AIG1: variants seen among roughly 807,000 people sequenced by gnomAD.
The protein encoded by AIG1 is androgen induced 1.
A neutral mutation model predicts 31.4 loss-of-function variants in AIG1; 23 were observed. The ratio of observed to expected loss-of-function variants is 0.73; its 90% CI spans 0.53 to 1.04. The LOEUF (loss-of-function observed/expected upper bound fraction) is 1.04. Among genes scored for constraint, AIG1 ranks in the 50% least tolerant of loss-of-function variants. The pLI, the probability that AIG1 is intolerant of heterozygous loss-of-function variation, is 0.00. For synonymous variants in AIG1, 100 were observed against 110.5 expected (o/e 0.90, Z 0.60); for missense variants, 274 against 295.0 (o/e 0.93, Z 0.52).
chr6:143,323,159 G>A (rs566569459), intron 4 of AIG1, among the ~76,000 whole-genome samples: 11 of 152,296 alleles, frequency 7.2e-5, no homozygotes, highest in South Asian at 2.1e-4. Flanking sequence ...CCAGTTAATC[G>A]TTGATCTCAT....
At chr6:143,305,647 A>G (rs1168321150) in intron 4 of AIG1, among the ~76,000 whole-genome samples, 1 of 152,120 alleles carries the variant, frequency 6.6e-6, no homozygotes, top group Non-Finnish European at 1.5e-5. Flanking sequence ...ACTTCCAACT[A>G]TGTGGTCAAT....
chr6:143,097,087 C>T (rs1779861718), intron 1 of AIG1, among the ~76,000 whole-genome samples: 1 of 151,884 alleles, frequency 6.6e-6, no homozygotes. Flanking sequence ...CCATTAGTGA[C>T]CTTAGGCACA....
In AIG1 at chr6:143,256,619, T is replaced by C. The variant is rs1357021197; in HGVS notation, c.400-27491T>C. Among the ~76,000 whole-genome samples, 1 of 152,182 alleles carries C rather than the reference T, an allele frequency of 6.6e-6. No individual in the cohort carries two copies. The highest frequency in any genetic ancestry group is 6.5e-5 in the Admixed American group (1 of 15,274). ...AAAAATGGAACCGTTACAGCTGAAA[T>C]AGGGTGGGAAAGGATCTTACTGAAA... On this transcript the variant is annotated intron_variant, in intron 3 of 5. Transcript: ENST00000357847. The surrounding 1 kb of genome is among the most constrained non-coding windows in gnomAD (Gnocchi z 4.6).
intron 3 of AIG1, among the ~76,000 whole-genome samples, chr6:143,166,654 C>T (rs980921964): frequency 6.6e-6 from 1 of 152,204 alleles, no homozygotes; most frequent in Non-Finnish European, 1.5e-5. Context: ...AGGATCAATA[C>T]ATATTTATTA....
At chr6:143,197,770 T>C (rs1583483186) in intron 3 of AIG1, among the ~76,000 whole-genome samples, 2 of 152,202 alleles carry the variant, frequency 1.3e-5, no homozygotes, top group African/African-American at 4.8e-5. Flanking sequence ...ACATCTGTTG[T>C]TAGAGAAAGG....
At chr6:143,186,430 G>T (rs1221497744) in intron 3 of AIG1, among the ~76,000 whole-genome samples, 1 of 152,124 alleles carries the variant, frequency 6.6e-6, no homozygotes, top group African/African-American at 2.4e-5. Flanking sequence ...GCCCAGATTG[G>T]TGGAAACGTT....
chr6:143,107,260 A>G (rs1472141993), intron 1 of AIG1, among the ~76,000 whole-genome samples: 2 of 152,234 alleles, frequency 1.3e-5, no homozygotes, highest in African/African-American at 4.8e-5. Context: ...TCTTGAGAAG[A>G]AAAGAAATTA....
intron 1 of AIG1, among the ~76,000 whole-genome samples, chr6:143,129,040 C>T (rs1417365684): frequency 6.6e-6 from 1 of 152,116 alleles, no homozygotes; most frequent in Non-Finnish European, 1.5e-5. Flanking sequence ...GCCTGTAATC[C>T]CAGCATTTTG....
At chr6:143,184,044 C>G (rs1788992923) in intron 3 of AIG1, among the ~76,000 whole-genome samples, 1 of 152,228 alleles carries the variant, frequency 6.6e-6, no homozygotes, top group Non-Finnish European at 1.5e-5. Flanking sequence ...TATCATAGAA[C>G]CACAGAATCC....
chr6:143,131,278 A>G (rs998536190), intron 1 of AIG1, among the ~76,000 whole-genome samples: 3 of 152,062 alleles, frequency 2.0e-5, no homozygotes, highest in Admixed American at 6.6e-5. Flanking sequence ...TATTGCTAAT[A>G]TTTCATTTTA....
intron 3 of AIG1, among the ~76,000 whole-genome samples, chr6:143,253,785 C>A (rs1795175981): frequency 2.6e-5 from 4 of 152,128 alleles, no homozygotes; most frequent in Admixed American, 2.6e-4. Flanking sequence ...CAGAAACTTC[C>A]ACTCCAACAA....
In AIG1 at chr6:143,333,209, T is replaced by A; in HGVS notation, c.516-73T>A. 7.0e-7 allele frequency: 1 copy of A among 1,419,470 alleles called. No homozygotes were observed. The highest frequency in any genetic ancestry group is 9.4e-7 in the Non-Finnish European group (1 of 1,063,504). 87.9% of individuals were successfully genotyped at this position (1,419,470 alleles called of 1,614,324 possible). A position where few individuals can be genotyped will look rare whatever the true frequency, so the allele number is the denominator to read the frequency against. Reference sequence around the variant, plus strand: ...ATGGGGAGAGTGAGGGAGTGTATATTTGCATCATAGCAGCTTTGATGCCTG... The same window carrying A: ...ATGGGGAGAGTGAGGGAGTGTATATATGCATCATAGCAGCTTTGATGCCTG... On this transcript the variant is annotated intron_variant, in intron 4 of 5. Transcript: ENST00000357847. The surrounding 1 kb of genome is among the most constrained non-coding windows in gnomAD (Gnocchi z 4.6).
At chr6:143,254,507 G>A (rs933679549) in intron 3 of AIG1, among the ~76,000 whole-genome samples, 3 of 152,068 alleles carry the variant, frequency 2.0e-5, no homozygotes, top group Admixed American at 6.6e-5. Flanking sequence ...AACACAACCC[G>A]AAGCATGAAC....
At chr6:143,304,270 G>A (rs1799074217) in intron 4 of AIG1, among the ~76,000 whole-genome samples, 1 of 150,574 alleles carries the variant, frequency 6.6e-6, no homozygotes, top group Admixed American at 6.6e-5. Context: ...ATGTTGAATA[G>A]GAGTGGTGAG....
chr6:143,071,935 C>T (rs1226651304), intron 1 of AIG1, among the ~76,000 whole-genome samples: 1 of 151,712 alleles, frequency 6.6e-6, no homozygotes, highest in Admixed American at 6.6e-5. Flanking sequence ...AGGCATGTGC[C>T]ACCGTGCCCA....
intron 4 of AIG1, among the ~76,000 whole-genome samples, chr6:143,314,795 A>G (rs1007976410): frequency 9.9e-5 from 15 of 152,124 alleles, no homozygotes; most frequent in Admixed American, 9.2e-4. Flanking sequence ...ACAGCTCACT[A>G]CCAGCACTCA....
At chr6:143,133,644 C>T (rs1458299430) in intron 1 of AIG1, among the ~76,000 whole-genome samples, 2 of 151,964 alleles carry the variant, frequency 1.3e-5, no homozygotes, top group East Asian at 3.8e-4. Flanking sequence ...GTAAAAAGTC[C>T]ATTATCTGAA....
At chr6:143,286,058 A>G (rs189380456) in intron 4 of AIG1, among the ~76,000 whole-genome samples, 6 of 145,516 alleles carry the variant, frequency 4.1e-5, no homozygotes, top group East Asian at 2.0e-4. Flanking sequence ...TTGCACTCAT[A>G]TTTGCTTACC....
intron 1 of AIG1, among the ~76,000 whole-genome samples, chr6:143,116,046 C>A (rs1405337753): frequency 6.6e-6 from 1 of 152,198 alleles, no homozygotes; most frequent in East Asian, 1.9e-4. Context: ...TAATCTTTGT[C>A]CTCGAAGGGC....
Sources: allele counts gnomAD v4.1 joint callset (sites outside exome capture counted in the v4.1 genomes callset), GRCh38; gene constraint gnomAD v4.1.1; non-coding constraint Gnocchi (gnomAD v3.1); transcripts MANE v1.5; gene names NCBI Gene and HGNC (gene_info 2026-07-23, HGNC 2026-07-21).